Variants in RSPO3 observed in about 807,000 individuals in gnomAD.
RSPO3 encodes R-spondin-3.
Under a neutral mutation model 36.5 loss-of-function variants are expected in RSPO3, and 17 were observed. That is an observed-to-expected ratio of 0.47 (90% CI 0.32 to 0.70). RSPO3 has a LOEUF of 0.70. Among genes scored for constraint, RSPO3 ranks in the 30% least tolerant of loss-of-function variants. The pLI is 0.04. For synonymous variants in RSPO3, 108 were observed against 107.0 expected (o/e 1.01, Z -0.06); for missense variants, 294 against 322.5 (o/e 0.91, Z 0.68).
At chr6:127,172,845 C>T (rs934931202) in intron 4 of RSPO3, among the ~76,000 whole-genome samples, 3 of 151,602 alleles carry the variant, frequency 2.0e-5, no homozygotes, top group African/African-American at 4.8e-5. Flanking sequence ...CACTCAAAGA[C>T]CAGGACTCAC....
chr6:127,178,460 C>T (rs1333475139), intron 4 of RSPO3, among the ~76,000 whole-genome samples: 1 of 151,652 alleles, frequency 6.6e-6, no homozygotes, highest in African/African-American at 2.4e-5. Flanking sequence ...ATTCTCCATG[C>T]TATAAATATG....
intron 1 of RSPO3, among the ~76,000 whole-genome samples, chr6:127,123,872 G>A (rs1354627575): frequency 1.3e-5 from 2 of 151,974 alleles, no homozygotes; most frequent in African/African-American, 2.4e-5. Context: ...AAATTACAAC[G>A]TGTAGTAAAA....
At chr6:127,146,162 GAT>G in intron 1 of RSPO3, among the ~76,000 whole-genome samples, 1 of 152,188 alleles carries the variant, frequency 6.6e-6, no homozygotes, top group East Asian at 1.9e-4. Flanking sequence ...GCCATCATTT[GAT>G]ATTCAAAATT....
At chr6:127,171,025 T>C (rs897290194) in intron 4 of RSPO3, among the ~76,000 whole-genome samples, 2 of 151,722 alleles carry the variant, frequency 1.3e-5, no homozygotes, top group South Asian at 2.1e-4. Context: ...ATGGTTAAGG[T>C]AGTTATGTGT....
intron 1 of RSPO3, among the ~76,000 whole-genome samples, chr6:127,123,626 G>A (rs765555770): frequency 4.6e-5 from 7 of 152,152 alleles, no homozygotes; most frequent in Non-Finnish European, 7.4e-5. Flanking sequence ...TAACAAGAAC[G>A]TTAGAAATGG....
chr6:127,128,015 A>C (rs1773971637), intron 1 of RSPO3, among the ~76,000 whole-genome samples: 1 of 152,106 alleles, frequency 6.6e-6, no homozygotes, highest in South Asian at 2.1e-4. Context: ...ATAGGATTGC[A>C]CAGTTTATAT....
chr6:127,166,019 C>A (rs1200111710), intron 4 of RSPO3, among the ~76,000 whole-genome samples: 1 of 151,950 alleles, frequency 6.6e-6, no homozygotes, highest in Non-Finnish European at 1.5e-5. Flanking sequence ...TATTCTTCCA[C>A]ATTAATCTTC....
intron 3 of RSPO3, among the ~76,000 whole-genome samples, chr6:127,152,993 T>C (rs1774519637): frequency 6.6e-6 from 1 of 152,098 alleles, no homozygotes; most frequent in Non-Finnish European, 1.5e-5. Flanking sequence ...TAGAGCAAAA[T>C]GACCAGTAAA....
rs113114364 is a variant in RSPO3, at chr6:127,195,968, A to G, written c.780A>G (p.Gln260=). 3.1e-6 allele frequency: 5 copies of G among 1,612,952 alleles called. No homozygotes were observed. Among genetic ancestry groups the G allele is most frequent in the African/African-American group, 1.3e-5 (1 of 75,016 alleles). Residue 260 remains glutamine (Q), a synonymous_variant, in exon 5 of 5, where the codon CAA becomes CAG. Coordinates refer to ENST00000356698, the MANE Select transcript of RSPO3 (RefSeq NM_032784.5). ...AGCAGCAGAAGAAGCGAAAAGTCCA[A>G]GATAAACAGAAATCGGTATCAGTCA... is the stretch of plus-strand genomic sequence containing the variant. The part of the protein sequence containing the change: ...NKQQQKKRKV[Q]DKQKSVSVST...
At position 127,119,104 on chromosome 6, in the gene RSPO3, C is replaced by A; in HGVS notation, c.-89C>A. On this transcript the variant is annotated 5_prime_UTR_variant, in exon 1 of 5. Transcript: ENST00000356698. ...GCTGCTCGGGCACTGTCTATATACG[C>A]CTAACACCTACATATATTTTAAAAA... 2 of 1,027,738 alleles carry A rather than the reference C, an allele frequency of 1.9e-6. No individual in the cohort carries two copies. Among genetic ancestry groups the A allele is most frequent in the Non-Finnish European group, 3.0e-6 (2 of 677,542 alleles). 63.7% of individuals were successfully genotyped at this position (1,027,738 alleles called of 1,614,324 possible).
intron 4 of RSPO3, among the ~76,000 whole-genome samples, chr6:127,184,118 C>T (rs1438712509): frequency 6.6e-6 from 1 of 151,946 alleles, no homozygotes; most frequent in African/African-American, 2.4e-5. Context: ...TCCCACCACA[C>T]ATGGGGATTA....
At chr6:127,174,869 G>A (rs1384408526) in intron 4 of RSPO3, among the ~76,000 whole-genome samples, 3 of 151,754 alleles carry the variant, frequency 2.0e-5, no homozygotes, top group Non-Finnish European at 4.4e-5. Flanking sequence ...TCAAAGGGAA[G>A]TCTGACAGAA....
At chr6:127,153,699 A>T (rs1424712463) in intron 3 of RSPO3, among the ~76,000 whole-genome samples, 1 of 152,104 alleles carries the variant, frequency 6.6e-6, no homozygotes, top group Non-Finnish European at 1.5e-5. Flanking sequence ...TGCACATCAG[A>T]TCATTTTTTC....
At chr6:127,142,772 ATTCT>A (rs569277463) in intron 1 of RSPO3, among the ~76,000 whole-genome samples, 35 of 151,752 alleles carry the variant, frequency 2.3e-4, no homozygotes, top group Middle Eastern at 3.4e-3. Context: ...CATTTTTATT[ATTCT>A]TTCTTTCTGG....
rs372363736 is a variant in RSPO3, at chr6:127,155,198, T to G, written c.437-43T>G. ...TTTTTTAACTCAACAATAGTGAAAGTGGTTGTAAGCCAGCTGAGTCTGTTT... is the reference window on the plus strand; with the variant it reads ...TTTTTTAACTCAACAATAGTGAAAGGGGTTGTAAGCCAGCTGAGTCTGTTT... On this transcript the variant is annotated intron_variant, in intron 3 of 4. Coordinates refer to ENST00000356698, the MANE Select transcript of RSPO3 (RefSeq NM_032784.5). The G allele has an allele frequency of 6.3e-6, 10 of 1,582,644 alleles. No homozygotes were observed. In the African/African-American group the frequency reaches 1.2e-4, roughly 19 times the overall value.
chr6:127,194,153 G>A (rs1775467516), intron 4 of RSPO3, among the ~76,000 whole-genome samples: 1 of 152,112 alleles, frequency 6.6e-6, no homozygotes, highest in Non-Finnish European at 1.5e-5. Flanking sequence ...GTATACCTAT[G>A]CAATATTAAT....
chr6:127,187,174 C>A (rs145855917), intron 4 of RSPO3, among the ~76,000 whole-genome samples: 73 of 152,156 alleles, frequency 4.8e-4, no homozygotes, highest in Middle Eastern at 6.8e-3. Flanking sequence ...CACATCAATT[C>A]GTTTTTGAGA....
At chr6:127,159,941 G>A (rs962374251) in intron 4 of RSPO3, among the ~76,000 whole-genome samples, 1 of 152,038 alleles carries the variant, frequency 6.6e-6, no homozygotes, top group Non-Finnish European at 1.5e-5. Flanking sequence ...GAGCCACCAT[G>A]CCTGGCTGAA....
chr6:127,173,841 G>C (rs917091766), intron 4 of RSPO3, among the ~76,000 whole-genome samples: 2 of 151,894 alleles, frequency 1.3e-5, no homozygotes, highest in Non-Finnish European at 2.9e-5. Flanking sequence ...AGGCACGTGA[G>C]ATTGAGACTA....
Sources: gnomAD v4.1 joint callset for allele counts (sites outside exome capture counted in the v4.1 genomes callset) on GRCh38, gnomAD v4.1.1 for gene constraint, MANE v1.5 for transcripts, NCBI Gene and HGNC (gene_info 2026-07-23, HGNC 2026-07-21) for gene names.